Variants in GRM3 observed in about 807,000 individuals in gnomAD.
GRM3 encodes the protein metabotropic glutamate receptor 3.
Under a neutral mutation model 70.5 loss-of-function variants are expected in GRM3, and 26 were observed. The ratio of observed to expected loss-of-function variants is 0.37; its 90% CI spans 0.27 to 0.51. The LOEUF is 0.51. Ranked by LOEUF, GRM3 falls within the 20% of genes least tolerant of loss-of-function variation. The pLI is 0.93. For missense variants in GRM3, 859 were observed against 1,123.8 expected (o/e 0.76, Z 3.37); for synonymous variants, 443 against 434.9 (o/e 1.02, Z -0.23).
chr7:86,765,658 T>G, intron 2 of GRM3, 45 bp downstream of exon 2: 1 of 1,540,984 alleles, frequency 6.5e-7, no homozygotes, highest in South Asian at 1.2e-5. Flanking sequence ...ATCTCTTTGC[T>G]TTTATGTGTT....
intron 4 of GRM3, among the ~76,000 whole-genome samples, chr7:86,847,154 G>A (rs1008790146): frequency 6.6e-6 from 1 of 152,176 alleles, no homozygotes; most frequent in African/African-American, 2.4e-5. Context: ...TGTTCTAGAG[G>A]TAGGCACTGT....
intron 1 of GRM3, among the ~76,000 whole-genome samples, chr7:86,656,573 A>G (rs757081826): frequency 4.6e-5 from 7 of 151,834 alleles, no homozygotes; most frequent in Non-Finnish European, 8.8e-5. Context: ...TTGTGATGCT[A>G]TATTCTTTGG....
At chr7:86,797,956 C>T (rs1797591604) in intron 3 of GRM3, among the ~76,000 whole-genome samples, 1 of 152,164 alleles carries the variant, frequency 6.6e-6, no homozygotes. Context: ...GGTGCAAGCC[C>T]CAAGCCTTGG....
At chr7:86,653,810 A>G (rs802429) in intron 1 of GRM3, among the ~76,000 whole-genome samples, 31,638 of 151,998 alleles carry the variant, frequency 0.21, 3,383 homozygotes, top group African/African-American at 0.26. Context: ...TAATATTAAT[A>G]TATTAGAAAG....
chr7:86,696,249 AAG>A (rs1794814049), intron 1 of GRM3, among the ~76,000 whole-genome samples: 1 of 152,194 alleles, frequency 6.6e-6, no homozygotes, highest in Non-Finnish European at 1.5e-5. Flanking sequence ...TAAATTAAGA[AAG>A]AGTGATGGGA....
At chr7:86,828,522 A>G (rs1798289805) in intron 3 of GRM3, among the ~76,000 whole-genome samples, 1 of 152,236 alleles carries the variant, frequency 6.6e-6, no homozygotes, top group African/African-American at 2.4e-5. Context: ...TAAAAGTTAT[A>G]TTTACACTAT....
intron 1 of GRM3, among the ~76,000 whole-genome samples, chr7:86,657,050 A>C (rs1240143647): frequency 1.3e-5 from 2 of 152,184 alleles, no homozygotes; most frequent in African/African-American, 4.8e-5. Flanking sequence ...GAATTGTGAT[A>C]ATCTTAATTT....
At chr7:86,700,241 T>C (rs1794918671) in intron 1 of GRM3, among the ~76,000 whole-genome samples, 1 of 151,968 alleles carries the variant, frequency 6.6e-6, no homozygotes. Flanking sequence ...TTTAGATGGA[T>C]CTAAACAGGA....
chr7:86,692,929 G>T (rs1794727362), intron 1 of GRM3, among the ~76,000 whole-genome samples: 1 of 152,128 alleles, frequency 6.6e-6, no homozygotes, highest in African/African-American at 2.4e-5. Flanking sequence ...GGAGAGGAGG[G>T]GAAGGCAGCA....
intron 1 of GRM3, among the ~76,000 whole-genome samples, chr7:86,701,341 A>G (rs537059775): frequency 2.1e-4 from 32 of 152,046 alleles, no homozygotes; most frequent in African/African-American, 6.7e-4. Flanking sequence ...TAGGGGTCTC[A>G]ACATAGAATC....
At chr7:86,734,597 GTC>G (rs1180151277) in intron 1 of GRM3, among the ~76,000 whole-genome samples, 2 of 152,136 alleles carry the variant, frequency 1.3e-5, no homozygotes, top group Admixed American at 1.3e-4. Context: ...CACACAGGAA[GTC>G]TCTCAGCATG....
intron 1 of GRM3, among the ~76,000 whole-genome samples, chr7:86,666,711 A>T (rs1282041150): frequency 6.6e-6 from 1 of 152,058 alleles, no homozygotes; most frequent in Non-Finnish European, 1.5e-5. Context: ...TTTATGAAGC[A>T]CATCTTACTA....
intron 1 of GRM3, among the ~76,000 whole-genome samples, chr7:86,645,271 G>A (rs942661147): frequency 1.3e-5 from 2 of 152,142 alleles, no homozygotes; most frequent in Non-Finnish European, 2.9e-5. Flanking sequence ...CCGTGGATAC[G>A]GGCGGTTTCA....
intron 1 of GRM3, among the ~76,000 whole-genome samples, chr7:86,721,885 C>A (rs371898846): frequency 6.6e-6 from 1 of 152,004 alleles, no homozygotes; most frequent in African/African-American, 2.4e-5. Flanking sequence ...GTCATTGGCA[C>A]CTTGAAGAAG....
intron 1 of GRM3, among the ~76,000 whole-genome samples, chr7:86,717,355 T>C (rs2237546): frequency 0.43 from 65,805 of 151,818 alleles, 15,462 homozygotes; most frequent in East Asian, 0.77. Context: ...GTGTGAGCAA[T>C]GACTTTTATT....
At chr7:86,668,576 T>C (rs746652141) in intron 1 of GRM3, among the ~76,000 whole-genome samples, 1 of 152,098 alleles carries the variant, frequency 6.6e-6, no homozygotes, top group Non-Finnish European at 1.5e-5. Context: ...TCACACTTTC[T>C]AATGACCCCG....
At chr7:86,815,811 A>T (rs1798004182) in intron 3 of GRM3, among the ~76,000 whole-genome samples, 1 of 151,876 alleles carries the variant, frequency 6.6e-6, no homozygotes, top group Non-Finnish European at 1.5e-5. Context: ...ATTTATAGGT[A>T]ATCAAATATC....
At position 86,717,556 on chromosome 7, in the gene GRM3, C is replaced by T. The variant is rs1006813352; in HGVS notation, c.-140-47450C>T. Among the ~76,000 whole-genome samples the T allele has an allele frequency of 2.6e-5, 4 of 152,018 alleles. No homozygotes were observed. The South Asian group carries it at 8.3e-4, about 32-fold the overall frequency. On this transcript the variant is annotated intron_variant, in intron 1 of 5. Transcript: ENST00000361669. ...AGACTATTACAAAGGTATTCTGAAG[C>T]TTATATTGTGCCTTTAAAATAATAA...
At chr7:86,663,292 C>G (rs1480901829) in intron 1 of GRM3, among the ~76,000 whole-genome samples, 1 of 151,784 alleles carries the variant, frequency 6.6e-6, no homozygotes, top group Non-Finnish European at 1.5e-5. Context: ...GAAGGTTTTC[C>G]CAGAACAAGG....
Sources: gnomAD v4.1 joint callset for allele counts (sites outside exome capture counted in the v4.1 genomes callset) on GRCh38, gnomAD v4.1.1 for gene constraint, MANE v1.5 for transcripts, NCBI Gene and HGNC (gene_info 2026-07-23, HGNC 2026-07-21) for gene names.